FRMD5: variants seen among roughly 807,000 people sequenced by gnomAD.
FRMD5 encodes the protein FERM domain-containing protein 5.
A neutral mutation model predicts 69.0 loss-of-function variants in FRMD5; 20 were observed. The observed-to-expected ratio is 0.29, with a 90% CI of 0.20 to 0.42. FRMD5 has a LOEUF of 0.42. Among genes scored for constraint, FRMD5 ranks in the 10% least tolerant of loss-of-function variants. The probability of loss-of-function intolerance (pLI) is 1.00; values close to 1 mark genes in which losing one functional copy is unlikely to be tolerated. For missense variants in FRMD5, 595 were observed against 708.6 expected (o/e 0.84, Z 1.82); for synonymous variants, 271 against 260.1 (o/e 1.04, Z -0.40).
At chr15:43,951,497 T>A (rs59561000) in intron 1 of FRMD5, among the ~76,000 whole-genome samples, 15,744 of 151,898 alleles carry the variant, frequency 0.1, 1,572 homozygotes, top group African/African-American at 0.26. Context: ...TATAGAACAC[T>A]AGAACTATAA....
At chr15:44,159,640 G>A (rs901680597) in intron 1 of FRMD5, among the ~76,000 whole-genome samples, 1 of 152,152 alleles carries the variant, frequency 6.6e-6, no homozygotes, top group Non-Finnish European at 1.5e-5. Flanking sequence ...CCTAGAGAAT[G>A]AAAATAGGAG....
rs146385085 is a variant in FRMD5 at position 44,099,593 on chromosome 15, A to T, written c.102+95360T>A. On this transcript the variant is annotated intron_variant, in intron 1 of 13. Transcript: ENST00000417257. Reference sequence around the variant, plus strand: ...ATTCTTGGCCCCTATTTTGATTCATATCATTATTCTATTATCTGTTCCTCA... The same window carrying T: ...ATTCTTGGCCCCTATTTTGATTCATTTCATTATTCTATTATCTGTTCCTCA... Among the ~76,000 whole-genome samples, 27 of 152,282 alleles carry T rather than the reference A, an allele frequency of 1.8e-4. 1 individual carries two copies. In the East Asian group the frequency reaches 4.8e-3, roughly 27 times the overall value.
At chr15:44,183,511 C>T (rs976726868) in intron 1 of FRMD5, among the ~76,000 whole-genome samples, 1 of 152,112 alleles carries the variant, frequency 6.6e-6, no homozygotes, top group South Asian at 2.1e-4. Context: ...AGTGGCCCGT[C>T]CAGCAGAGGG....
At chr15:44,071,122 T>C (rs916518469) in intron 1 of FRMD5, among the ~76,000 whole-genome samples, 1 of 152,184 alleles carries the variant, frequency 6.6e-6, no homozygotes, top group Non-Finnish European at 1.5e-5. Flanking sequence ...GGCTTTCTTC[T>C]CCCAGAAGCA....
At chr15:43,997,084 AAG>A (rs143558250) in intron 1 of FRMD5, among the ~76,000 whole-genome samples, 1 of 152,198 alleles carries the variant, frequency 6.6e-6, no homozygotes. Flanking sequence ...GAAGAAAGAA[AAG>A]AGAGAAAGTT....
intron 1 of FRMD5, among the ~76,000 whole-genome samples, chr15:44,180,118 G>T (rs1459402046): frequency 3.3e-5 from 5 of 150,256 alleles, no homozygotes; most frequent in Non-Finnish European, 5.9e-5. Context: ...TCACACAGAT[G>T]TAAGTTCAAA....
chr15:44,181,649 C>T (rs2078003292), intron 1 of FRMD5, among the ~76,000 whole-genome samples: 1 of 152,060 alleles, frequency 6.6e-6, no homozygotes, highest in African/African-American at 2.4e-5. Context: ...CACTTATAAT[C>T]CCAGCACTTT....
intron 2 of FRMD5, among the ~76,000 whole-genome samples, 156 bp from the exon 3 acceptor site, chr15:43,919,965 G>A (rs2089464321): frequency 6.6e-6 from 1 of 152,224 alleles, no homozygotes; most frequent in Admixed American, 6.5e-5. Context: ...AGAGTGATAT[G>A]ATTTTCTGAA....
At chr15:44,192,383 C>A (rs917599780) in intron 1 of FRMD5, among the ~76,000 whole-genome samples, 2 of 152,144 alleles carry the variant, frequency 1.3e-5, no homozygotes, top group Non-Finnish European at 2.9e-5. Flanking sequence ...GCAGTAAAAT[C>A]ATTCTAAAAT....
intron 7 of FRMD5, among the ~76,000 whole-genome samples, chr15:43,896,301 T>C (rs776138230): frequency 9.9e-5 from 15 of 152,244 alleles, no homozygotes; most frequent in East Asian, 5.8e-4. Flanking sequence ...CTCTCCTCCT[T>C]CTTTCCTCTG....
At position 43,873,958 on chromosome 15, in the gene FRMD5, T is replaced by C. The variant is rs1467223080; in HGVS notation, c.1640A>G (p.Gln547Arg). 2 of 1,613,970 alleles carry C rather than the reference T, an allele frequency of 1.2e-6. No individual in the cohort carries two copies. The highest frequency in any genetic ancestry group is 2.2e-5 in the East Asian group (1 of 44,886). ...QTPEFEQFHY[Q>R]YFCPLRRWFA... is the part of the protein sequence containing the mutation. ...CCATCGCCTGAGGGGACAAAAGTAT[T>C]GATAGTGGAATTGTTCAAACTCGGG... is the stretch of plus-strand genomic sequence containing the variant. Residue 547 changes from glutamine to arginine, a missense_variant, in exon 14 of 14, where the codon CAA becomes CGA. By Grantham distance (43) the Gln-to-Arg change is conservative (BLOSUM62 1). Coordinates refer to ENST00000417257, the MANE Select transcript of FRMD5 (RefSeq NM_032892.5).
At chr15:43,994,597 A>G (rs1889835946) in intron 1 of FRMD5, among the ~76,000 whole-genome samples, 1 of 151,164 alleles carries the variant, frequency 6.6e-6, no homozygotes, top group East Asian at 1.9e-4. Flanking sequence ...CACCCAGCTA[A>G]TTTTTTTATT....
At chr15:44,003,471 A>G (rs996042368) in intron 1 of FRMD5, among the ~76,000 whole-genome samples, 14 of 152,194 alleles carry the variant, frequency 9.2e-5, no homozygotes, top group Admixed American at 9.2e-4. Context: ...TTCACTCAAG[A>G]GTAAAACCCA....
intron 7 of FRMD5, among the ~76,000 whole-genome samples, chr15:43,892,941 T>G (rs1254156510): frequency 6.6e-6 from 1 of 151,900 alleles, no homozygotes; most frequent in Non-Finnish European, 1.5e-5. Context: ...CCATCTCTAC[T>G]AAAAAGACAA....
rs114628641 is a variant in FRMD5, at chr15:43,937,824, T to G, written c.103-13515A>C. Among the ~76,000 whole-genome samples the G allele has an allele frequency of 2.9e-3, 440 of 152,244 alleles. 5 individuals carry two copies. In the Middle Eastern group the frequency reaches 0.031, roughly 11 times the overall value. On this transcript the variant is annotated intron_variant, in intron 1 of 13. Coordinates refer to ENST00000417257, the MANE Select transcript of FRMD5 (RefSeq NM_032892.5). Reference sequence around the variant, plus strand: ...AGAGTTGTTTCAAGTTTAGCCAAGATAGCCAAGTCTTTTATAAGCTTGTCT... The same window carrying G: ...AGAGTTGTTTCAAGTTTAGCCAAGAGAGCCAAGTCTTTTATAAGCTTGTCT...
intron 1 of FRMD5, among the ~76,000 whole-genome samples, chr15:44,073,629 C>A (rs1244126531): frequency 6.6e-6 from 1 of 152,130 alleles, no homozygotes; most frequent in African/African-American, 2.4e-5. Flanking sequence ...TCTTTATAGG[C>A]CTTACAAAGG....
At chr15:44,107,189 A>C (rs555004181) in intron 1 of FRMD5, among the ~76,000 whole-genome samples, 25 of 152,336 alleles carry the variant, frequency 1.6e-4, no homozygotes, top group African/African-American at 6.0e-4. Context: ...GGCAAATGAA[A>C]AGATATAAAG....
chr15:44,102,027 G>A (rs969764444), intron 1 of FRMD5, among the ~76,000 whole-genome samples: 37 of 152,154 alleles, frequency 2.4e-4, no homozygotes, highest in African/African-American at 8.9e-4. Flanking sequence ...GGTGACTGCC[G>A]TATCACACTC....
chr15:44,015,132 C>T (rs1324983497), intron 1 of FRMD5, among the ~76,000 whole-genome samples: 1 of 151,614 alleles, frequency 6.6e-6, no homozygotes, highest in Non-Finnish European at 1.5e-5. Flanking sequence ...GCAAGCCTTA[C>T]TGAAACTTTT....
Sources: allele counts gnomAD v4.1 joint callset (sites outside exome capture counted in the v4.1 genomes callset), GRCh38; gene constraint gnomAD v4.1.1; transcripts MANE v1.5; gene names NCBI Gene and HGNC (gene_info 2026-07-23, HGNC 2026-07-21).